Variants in L3MBTL2 observed in about 807,000 individuals in gnomAD.
L3MBTL2 encodes the protein lethal(3)malignant brain tumor-like protein 2.
Under a neutral mutation model 86.4 loss-of-function variants are expected in L3MBTL2, and 49 were observed. The observed-to-expected ratio is 0.57, with a 90% CI of 0.45 to 0.72. The LOEUF (loss-of-function observed/expected upper bound fraction) is 0.72. L3MBTL2 is among the 30% of genes least tolerant of loss of function. L3MBTL2 has a pLI of 0.00. For missense variants in L3MBTL2, 755 were observed against 923.7 expected, an observed-to-expected ratio of 0.82 and a Z score of 2.37; for synonymous variants, 336 against 350.6, an observed-to-expected ratio of 0.96 and a Z score of 0.47.
At position 41,227,988 on chromosome 22, in the gene L3MBTL2, G is replaced by A. The variant is rs117341901; in HGVS notation, c.1888+119G>A. On this transcript the variant is annotated intron_variant, in intron 15 of 16. Coordinates refer to ENST00000216237, the MANE Select transcript of L3MBTL2 (RefSeq NM_031488.5). This position sits in a 1 kb window ranked among gnomAD's most constrained non-coding sequence, Gnocchi z 6.0. Reference sequence around the variant, plus strand: ...GGTTCCCAGGTGCTGTCCTACTGACGTAGCTCTCTTCGTGTTCCTGTCCTG... The same window carrying A: ...GGTTCCCAGGTGCTGTCCTACTGACATAGCTCTCTTCGTGTTCCTGTCCTG... The A allele has an allele frequency of 1.7e-4, 245 of 1,476,298 alleles. No homozygotes were observed. The highest frequency in any genetic ancestry group is 2.1e-4 in the Non-Finnish European group (229 of 1,111,642). 91.4% of individuals were successfully genotyped at this position (1,476,298 alleles called of 1,614,324 possible).
intron 8 of L3MBTL2, among the ~76,000 whole-genome samples, chr22:41,223,687 G>A (rs77623984): frequency 0.027 from 4,110 of 152,340 alleles, 192 homozygotes; most frequent in African/African-American, 0.094. Flanking sequence ...CTGGGCAGGC[G>A]TGACCTCTGG....
chr22:41,215,929 G>GCCTAGCACCC (rs773592145), intron 3 of L3MBTL2, among the ~76,000 whole-genome samples: 5 of 152,170 alleles, frequency 3.3e-5, no homozygotes, highest in Non-Finnish European at 5.9e-5. Context: ...CTGCAGCACT[G>GCCTAGCACCC]CCTAGCACCC....
At chr22:41,209,638 C>A (rs1473118558) in intron 1 of L3MBTL2, 58 bp from the exon 2 acceptor site, 3 of 1,493,246 alleles carry the variant, frequency 2.0e-6, no homozygotes, top group Non-Finnish European at 1.9e-6. Context: ...AGCTTCTCCC[C>A]CCGTGCACTA....
intron 2 of L3MBTL2, among the ~76,000 whole-genome samples, chr22:41,210,277 G>A (rs1173408582): frequency 6.6e-6 from 1 of 150,836 alleles, no homozygotes; most frequent in Non-Finnish European, 1.5e-5. Flanking sequence ...AGCCTTCCAA[G>A]TAGCTGGGAC....
intron 2 of L3MBTL2, among the ~76,000 whole-genome samples, chr22:41,211,021 C>T (rs1340360123): frequency 1.3e-5 from 2 of 151,978 alleles, no homozygotes; most frequent in African/African-American, 4.8e-5. Context: ...GGTAGGAGGA[C>T]TGGGTTGGGG....
chr22:41,227,423 T>C lies in L3MBTL2; in HGVS notation c.1822+100T>C. 7.9e-7 allele frequency: 1 copy of C among 1,271,924 alleles called. No homozygotes were observed. Among genetic ancestry groups the C allele is most frequent in the Non-Finnish European group, 1.1e-6 (1 of 896,892 alleles). The allele number at this position is 1,271,924 out of a possible 1,614,324, so 78.8% of individuals were successfully genotyped here. A position where few individuals can be genotyped will look rare whatever the true frequency, so the allele number is the denominator to read the frequency against. On this transcript the variant is annotated intron_variant, in intron 14 of 16. Transcript: ENST00000216237. The surrounding 1 kb of genome is among the most constrained non-coding windows in gnomAD (Gnocchi z 6.0). ...CCCATCTCCGTTCTTTGGCATGAGGTGGAGATGTCTCATGGACCACTTTAA... is the reference window on the plus strand; with the variant it reads ...CCCATCTCCGTTCTTTGGCATGAGGCGGAGATGTCTCATGGACCACTTTAA...
At chr22:41,208,448 T>TA (rs773025623) in intron 1 of L3MBTL2, 47 of 308,584 alleles carry the variant, frequency 1.5e-4, no homozygotes, top group Middle Eastern at 5.0e-4. Context: ...CGTTTTCTGT[T>TA]ACATGCTGGG....
rs750092598 is a variant in L3MBTL2, at chr22:41,229,183, G to C, written c.1889-357G>C. Among the ~76,000 whole-genome samples the C allele has an allele frequency of 5.9e-5, 9 of 152,244 alleles. No individual in the cohort carries two copies. The East Asian group carries it at 1.2e-3, about 20-fold the overall frequency. On this transcript the variant is annotated intron_variant, in intron 15 of 16. Coordinates refer to ENST00000216237, the MANE Select transcript of L3MBTL2 (RefSeq NM_031488.5). ...AAGGTAGGAGGATCACCTGAGCCTG[G>C]GAGGTCAAGGCTGCAGTGAACTGTG...
At chr22:41,223,164 C>T (rs1005885190) in intron 8 of L3MBTL2, among the ~76,000 whole-genome samples, 1 of 152,122 alleles carries the variant, frequency 6.6e-6, no homozygotes, top group Admixed American at 6.5e-5. Context: ...GGTTTAGGAC[C>T]CCTGTGTCAG....
intron 1 of L3MBTL2, chr22:41,209,409 C>T (rs1200604412): frequency 3.3e-6 from 1 of 301,058 alleles, no homozygotes; most frequent in Non-Finnish European, 6.4e-6. Flanking sequence ...ACCTGGCCCA[C>T]ATTGTTATAC....
rs750415998 is a variant in L3MBTL2 at position 41,224,221 on chromosome 22, C to A, written c.1144C>A (p.Arg382=). 1 of 1,613,014 alleles carries A rather than the reference C, an allele frequency of 6.2e-7. No homozygotes were observed. Among genetic ancestry groups the A allele is most frequent in the Non-Finnish European group, 8.5e-7 (1 of 1,179,314 alleles). ...SPLIHPVGWS[R]RVGHGIKMSE... ...CCTGATCCACCCAGTGGGTTGGTCACGACGTGTGGGCCACGGCATCAAGAT... is the reference window on the plus strand; with the variant it reads ...CCTGATCCACCCAGTGGGTTGGTCAAGACGTGTGGGCCACGGCATCAAGAT... Residue 382 remains arginine (R), a synonymous_variant, in exon 9 of 17, where the codon CGA becomes AGA. Transcript: ENST00000216237. This position sits in a 1 kb window ranked among gnomAD's most constrained non-coding sequence, Gnocchi z 4.9.
intron 13 of L3MBTL2, 55 bp downstream of exon 13, chr22:41,226,799 C>T (rs1053707906): frequency 3.2e-6 from 4 of 1,257,348 alleles, no homozygotes; most frequent in African/African-American, 3.0e-5. Context: ...ACAGGCCCTG[C>T]CTGCTGCTGT....
Position 41,209,832 on chromosome 22 carries a change from C to T in L3MBTL2, c.161C>T (p.Ala54Val), listed in dbSNP as rs755103717. 4 of 1,614,178 alleles carry T rather than the reference C, an allele frequency of 2.5e-6. 1 individual carries two copies. In the South Asian group the frequency reaches 3.3e-5, roughly 13 times the overall value. Reference protein sequence around the residue: ...SSSYLEESSEAENEDREAGEL... With the variant: ...SSSYLEESSEVENEDREAGEL... ...TCCTATCTGGAGGAGTCAAGTGAAG[C>T]AGAAAATGAGGATCGGGAAGCAGGG... The change falls in exon 2 of 17, where the codon GCA (alanine) becomes GTA (valine). Residue 54 changes from alanine to valine, a missense_variant. Ala to Val is a moderately conservative substitution (Grantham distance 64, BLOSUM62 0). Coordinates refer to ENST00000216237, the MANE Select transcript of L3MBTL2 (RefSeq NM_031488.5).
intron 1 of L3MBTL2, among the ~76,000 whole-genome samples, chr22:41,207,071 A>C (rs1174641116): frequency 6.6e-6 from 1 of 152,162 alleles, no homozygotes. Flanking sequence ...AAATACGCAC[A>C]AAATCACACA....
intron 8 of L3MBTL2, among the ~76,000 whole-genome samples, chr22:41,221,929 C>T (rs145073899): frequency 0.029 from 4,172 of 145,480 alleles, 93 homozygotes; most frequent in Admixed American, 0.046. Context: ...GATAGAGTCT[C>T]GCTCTGTTGC....
intron 1 of L3MBTL2, among the ~76,000 whole-genome samples, 199 bp downstream of exon 1, chr22:41,205,585 G>T (rs1374065705): frequency 6.6e-6 from 1 of 152,166 alleles, no homozygotes; most frequent in African/African-American, 2.4e-5. Flanking sequence ...AACGTTCGGC[G>T]AGGAGTTCAG....
chr22:41,223,939 CT>C, intron 8 of L3MBTL2, 80 bp from the exon 9 acceptor site: 1 of 1,115,892 alleles, frequency 9.0e-7, no homozygotes. Context: ...CACACCTTCC[CT>C]GTCCTCCACT....
At chr22:41,208,610 C>G (rs147105047) in intron 1 of L3MBTL2, among the ~76,000 whole-genome samples, 7 of 152,310 alleles carry the variant, frequency 4.6e-5, no homozygotes, top group African/African-American at 1.7e-4. Flanking sequence ...TAGTACACAC[C>G]AAGATGCCAC....
In L3MBTL2 at chr22:41,224,687, C is replaced by T; in HGVS notation, c.1175-38C>T. On this transcript the variant is annotated intron_variant, in intron 9 of 16. Transcript: ENST00000216237. This position sits in a 1 kb window ranked among gnomAD's most constrained non-coding sequence, Gnocchi z 4.9. Reference sequence around the variant, plus strand: ...GATGGCCCAGGAGCCGCCTCCAACTCCCTTCTCTCCCTCATTCCCTATCCA... The same window carrying T: ...GATGGCCCAGGAGCCGCCTCCAACTTCCTTCTCTCCCTCATTCCCTATCCA... The T allele has an allele frequency of 1.3e-6, 2 of 1,542,140 alleles. No homozygotes were observed. The highest frequency in any genetic ancestry group is 1.8e-6 in the Non-Finnish European group (2 of 1,114,786).
Sources: gnomAD v4.1 joint callset for allele counts (sites outside exome capture counted in the v4.1 genomes callset) on GRCh38, gnomAD v4.1.1 for gene constraint, Gnocchi (gnomAD v3.1) non-coding constraint, MANE v1.5 for transcripts, NCBI Gene and HGNC (gene_info 2026-07-23, HGNC 2026-07-21) for gene names.